Variants in KATNAL1 observed in about 807,000 individuals in gnomAD.
KATNAL1 encodes katanin catalytic subunit A1 like 1, also known as katanin p60 ATPase-containing subunit A-like 1.
KATNAL1 carries 32 observed loss-of-function variants against 55.2 expected under a neutral mutation model. The ratio of observed to expected loss-of-function variants is 0.58; its 90% CI spans 0.44 to 0.78. The LOEUF is 0.78. Ranked by LOEUF, KATNAL1 falls within the 30% of genes least tolerant of loss-of-function variation. The pLI is 0.00. For missense variants in KATNAL1, 466 were observed against 600.9 expected, an observed-to-expected ratio of 0.78 and a Z score of 2.35; for synonymous variants, 193 against 193.6, an observed-to-expected ratio of 1.00 and a Z score of 0.02.
At position 30,223,020 on chromosome 13, in the gene KATNAL1, G is replaced by A. The variant is rs181959192; in HGVS notation, c.1147+4392C>T. On this transcript the variant is annotated intron_variant, in intron 9 of 10. Transcript: ENST00000380615. Reference sequence around the variant, plus strand: ...TGAGGCAGCAGAATCACTTGAACCTGGGAGGCAGAGGTTGCAGTAAGCCCA... The same window carrying A: ...TGAGGCAGCAGAATCACTTGAACCTAGGAGGCAGAGGTTGCAGTAAGCCCA... Among the ~76,000 whole-genome samples, 292 of 151,982 alleles carry A rather than the reference G, an allele frequency of 1.9e-3. 9 individuals carry two copies. The highest frequency in any genetic ancestry group is 6.6e-3 in the African/African-American group (273 of 41,348).
chr13:30,240,839 T>C, intron 5 of KATNAL1, 120 bp downstream of exon 5: 1 of 932,958 alleles, frequency 1.1e-6, no homozygotes, highest in Non-Finnish European at 1.6e-6. Context: ...ATTCTATACT[T>C]TCATATTATA....
At chr13:30,274,905 GCGCACACACACACACA>G (rs1168729906) in intron 3 of KATNAL1, among the ~76,000 whole-genome samples, 24 of 84,348 alleles carry the variant, frequency 2.8e-4, no homozygotes, top group South Asian at 7.5e-4. Context: ...GCGCGCGCGC[GCGCACACACACACACA>G]CACACACACA....
At chr13:30,229,376 C>A (rs77507132) in intron 8 of KATNAL1, among the ~76,000 whole-genome samples, 1 of 152,102 alleles carries the variant, frequency 6.6e-6, no homozygotes, top group South Asian at 2.1e-4. Flanking sequence ...GCTTCCCATC[C>A]AGATCAGTGG....
At chr13:30,254,733 C>T (rs1401147971) in intron 4 of KATNAL1, among the ~76,000 whole-genome samples, 1 of 152,054 alleles carries the variant, frequency 6.6e-6, no homozygotes, top group Middle Eastern at 3.2e-3. Flanking sequence ...CATTATCATT[C>T]ATTTATGACA....
At chr13:30,269,273 G>A (rs1220150848) in intron 3 of KATNAL1, among the ~76,000 whole-genome samples, 1 of 152,208 alleles carries the variant, frequency 6.6e-6, no homozygotes, top group African/African-American at 2.4e-5. Context: ...TGGTGGAGAC[G>A]GGGTTTCGCT....
At chr13:30,278,859 G>A (rs550986847) in intron 3 of KATNAL1, among the ~76,000 whole-genome samples, 14 of 152,232 alleles carry the variant, frequency 9.2e-5, no homozygotes, top group African/African-American at 2.9e-4. Context: ...GAGGGATATG[G>A]GTTACCCTAG....
chr13:30,247,132 T>G (rs1877874654), intron 4 of KATNAL1, among the ~76,000 whole-genome samples: 1 of 152,178 alleles, frequency 6.6e-6, no homozygotes, highest in Non-Finnish European at 1.5e-5. Context: ...AGCTAGATCC[T>G]AGGGAATACA....
chr13:30,209,835 G>A (rs982208762), intron 10 of KATNAL1, among the ~76,000 whole-genome samples: 13 of 151,956 alleles, frequency 8.6e-5, no homozygotes, highest in African/African-American at 2.7e-4. Context: ...AGGTTGGAGT[G>A]CAGTGGCGCG....
chr13:30,238,863 G>A (rs1457326359), intron 6 of KATNAL1, among the ~76,000 whole-genome samples: 2 of 152,148 alleles, frequency 1.3e-5, no homozygotes, highest in South Asian at 2.1e-4. Context: ...ACACAATGCA[G>A]GAGAAAGTGT....
chr13:30,231,590 C>T, intron 6 of KATNAL1, 118 bp from the exon 7 acceptor site: 1 of 602,438 alleles, frequency 1.7e-6, no homozygotes, highest in East Asian at 3.3e-5. Flanking sequence ...TCAAAATTGT[C>T]ACAGTAAAAT....
intron 3 of KATNAL1, among the ~76,000 whole-genome samples, chr13:30,261,544 A>G (rs1361746049): frequency 6.6e-6 from 1 of 152,196 alleles, no homozygotes; most frequent in Non-Finnish European, 1.5e-5. Context: ...AATGGAAAAC[A>G]AAAATAGGCA....
Position 30,230,454 on chromosome 13 carries a change from T to TA in KATNAL1, c.1012+13dup. The TA allele has an allele frequency of 6.2e-7, 1 of 1,600,714 alleles. No homozygotes were observed. The highest frequency in any genetic ancestry group is 8.5e-7 in the Non-Finnish European group (1 of 1,175,454). On this transcript the variant is annotated intron_variant, in intron 8 of 10. Transcript: ENST00000380615. ...AAAATGAGAGTTTTGAAACAATAAT[T>TA]AAATATCAATTACCATCCATCTGAA...
At chr13:30,234,722 C>G (rs1167563326) in intron 6 of KATNAL1, among the ~76,000 whole-genome samples, 1 of 152,186 alleles carries the variant, frequency 6.6e-6, no homozygotes, top group Non-Finnish European at 1.5e-5. Flanking sequence ...TGAGTATTTA[C>G]TGAAACACAT....
chr13:30,208,938 T>C (rs1048048196), intron 10 of KATNAL1, among the ~76,000 whole-genome samples, 200 bp from the exon 11 acceptor site: 2 of 152,206 alleles, frequency 1.3e-5, no homozygotes, highest in Non-Finnish European at 2.9e-5. Flanking sequence ...ACATGAAATG[T>C]ATAGTTAACG....
At chr13:30,234,928 G>A (rs1221457686) in intron 6 of KATNAL1, among the ~76,000 whole-genome samples, 1 of 152,172 alleles carries the variant, frequency 6.6e-6, no homozygotes, top group East Asian at 1.9e-4. Context: ...GGTGACTCAT[G>A]GTGGCCCCCT....
intron 6 of KATNAL1, among the ~76,000 whole-genome samples, chr13:30,235,204 A>C (rs576302193): frequency 3.3e-5 from 5 of 152,350 alleles, no homozygotes; most frequent in Admixed American, 2.0e-4. Context: ...AAAGAAAAAA[A>C]GGTTTATTTG....
intron 3 of KATNAL1, among the ~76,000 whole-genome samples, chr13:30,256,126 T>C (rs79189203): frequency 0.021 from 3,251 of 152,352 alleles, 45 homozygotes; most frequent in Non-Finnish European, 0.033. Context: ...ATTCATCAAA[T>C]TACAAATGGC....
intron 9 of KATNAL1, among the ~76,000 whole-genome samples, chr13:30,217,681 A>G (rs1874429053): frequency 6.6e-6 from 1 of 152,172 alleles, no homozygotes; most frequent in Non-Finnish European, 1.5e-5. Context: ...GGGCCTGCCT[A>G]TCTGGGCTCT....
chr13:30,270,789 T>C (rs1880286200), intron 3 of KATNAL1, among the ~76,000 whole-genome samples: 1 of 150,504 alleles, frequency 6.6e-6, no homozygotes, highest in Admixed American at 6.6e-5. Context: ...GGCCGCAGGG[T>C]CCTCTGCCTA....
Sources: gnomAD v4.1 joint callset for allele counts (sites outside exome capture counted in the v4.1 genomes callset) on GRCh38, gnomAD v4.1.1 for gene constraint, MANE v1.5 for transcripts, NCBI Gene and HGNC (gene_info 2026-07-23, HGNC 2026-07-21) for gene names.